The following DOCK5 variants were observed in gnomAD, a reference collection of about 807,000 sequenced individuals.
DOCK5 encodes dedicator of cytokinesis protein 5.
In DOCK5, 142 loss-of-function variants were observed where a neutral mutation model predicts 251.8. The observed-to-expected ratio is 0.56, with a 90% CI of 0.49 to 0.65. The LOEUF (loss-of-function observed/expected upper bound fraction) is 0.65, where lower values mean the gene tolerates loss of function less well. Among genes scored for constraint, DOCK5 ranks in the 30% least tolerant of loss-of-function variants. The pLI is 0.00. For missense variants in DOCK5, 2,111 were observed against 2,312.3 expected, an observed-to-expected ratio of 0.91 and a Z score of 1.79; for synonymous variants, 842 against 835.5, an observed-to-expected ratio of 1.01 and a Z score of -0.13.
intron 2 of DOCK5, among the ~76,000 whole-genome samples, chr8:25,247,558 A>G (rs368723172): frequency 1.3e-5 from 2 of 151,934 alleles, no homozygotes; most frequent in Non-Finnish European, 2.9e-5. Flanking sequence ...CTACACCACT[A>G]CACTCCAGCC....
At chr8:25,243,327 G>A (rs1586258726) in intron 1 of DOCK5, among the ~76,000 whole-genome samples, 1 of 151,320 alleles carries the variant, frequency 6.6e-6, no homozygotes, top group East Asian at 1.9e-4. Flanking sequence ...ACTGTGACAT[G>A]CATTCTTTTT....
intron 1 of DOCK5, among the ~76,000 whole-genome samples, chr8:25,206,874 GA>G (rs1802013954): frequency 6.6e-6 from 1 of 152,216 alleles, no homozygotes; most frequent in South Asian, 2.1e-4. Context: ...AAGCCATGTG[GA>G]AGCCAATGTT....
intron 14 of DOCK5, among the ~76,000 whole-genome samples, chr8:25,318,150 AC>A (rs1805310501): frequency 6.6e-6 from 1 of 152,040 alleles, no homozygotes; most frequent in Non-Finnish European, 1.5e-5. Flanking sequence ...GTGCAGTGGC[AC>A]AATCTCTGCC....
intron 2 of DOCK5, among the ~76,000 whole-genome samples, chr8:25,258,068 T>C (rs1210720393): frequency 1.3e-5 from 2 of 152,150 alleles, no homozygotes; most frequent in Non-Finnish European, 1.5e-5. Flanking sequence ...GATGATGTTG[T>C]CCAGGCTACA....
At chr8:25,306,660 C>G (rs1002752030) in intron 11 of DOCK5, among the ~76,000 whole-genome samples, 1 of 151,454 alleles carries the variant, frequency 6.6e-6, no homozygotes, top group Non-Finnish European at 1.5e-5. Context: ...CGCCACTGCA[C>G]TCCAGCCTCG....
At chr8:25,389,866 G>A (rs1039197626) in intron 41 of DOCK5, among the ~76,000 whole-genome samples, 5 of 151,994 alleles carry the variant, frequency 3.3e-5, no homozygotes, top group Non-Finnish European at 2.9e-5. Flanking sequence ...TGATTCTGGT[G>A]ATTTCAGAGG....
Position 25,235,411 on chromosome 8 carries a change from C to A in DOCK5, c.44-8263C>A, listed in dbSNP as rs898511631. ...GGGTAGCTAGGACCATAGGCACACACCATTATGCCTGGCTAATTTTTATAA... is the reference window on the plus strand; with the variant it reads ...GGGTAGCTAGGACCATAGGCACACAACATTATGCCTGGCTAATTTTTATAA... On this transcript the variant is annotated intron_variant, in intron 1 of 51. Transcript: ENST00000276440. Among the ~76,000 whole-genome samples, 5 of 152,242 alleles carry A rather than the reference C, an allele frequency of 3.3e-5. No individual in the cohort carries two copies. The East Asian group carries it at 9.7e-4, about 29-fold the overall frequency.
At chr8:25,321,198 C>T (rs1019359615) in intron 16 of DOCK5, 146 bp downstream of exon 16, 1 of 692,718 alleles carries the variant, frequency 1.4e-6, no homozygotes, top group Non-Finnish European at 2.5e-6. Context: ...CTAAGGAAAT[C>T]AGCATAATGA....
intron 50 of DOCK5, 70 bp from the exon 51 acceptor site, chr8:25,410,029 C>A: frequency 1.5e-6 from 2 of 1,315,592 alleles, no homozygotes; most frequent in Non-Finnish European, 2.1e-6. Flanking sequence ...TGTTACAGTG[C>A]CAGCAACATT....
chr8:25,204,559 TC>T (rs1313864426), intron 1 of DOCK5, among the ~76,000 whole-genome samples: 1 of 152,220 alleles, frequency 6.6e-6, no homozygotes, highest in African/African-American at 2.4e-5. Context: ...ACTGCTAGGA[TC>T]TAAAGTTGAC....
chr8:25,184,748 G>T lies in DOCK5; in HGVS notation c.-161G>T. The T allele has an allele frequency of 2.0e-6, 1 of 507,632 alleles. No homozygotes were observed. Among genetic ancestry groups the T allele is most frequent in the Admixed American group, 5.2e-5 (1 of 19,330 alleles). The allele number at this position is 507,632 out of a possible 1,614,324, so 31.4% of individuals were successfully genotyped here. The stretch of plus-strand genomic sequence containing the variant: ...GCGGGCGGCGCGGGCACGGGCACGG[G>T]CGCGGGCGGCGCGGCGAGGAGGCGG... On this transcript the variant is annotated 5_prime_UTR_variant, in exon 1 of 52. Transcript: ENST00000276440.
At chr8:25,273,157 C>A (rs933847307) in intron 3 of DOCK5, among the ~76,000 whole-genome samples, 1 of 152,126 alleles carries the variant, frequency 6.6e-6, no homozygotes, top group African/African-American at 2.4e-5. Flanking sequence ...CTAGAGCTTC[C>A]GAACTGCAGA....
intron 1 of DOCK5, among the ~76,000 whole-genome samples, chr8:25,186,421 C>T (rs1041088898): frequency 4.7e-5 from 7 of 150,470 alleles, no homozygotes; most frequent in African/African-American, 7.4e-5. Flanking sequence ...GTCGCCCAGG[C>T]CGGAGTGCAG....
Position 25,368,223 on chromosome 8 carries a change from A to G in DOCK5, c.3256A>G (p.Arg1086Gly). 6.2e-7 allele frequency: 1 copy of G among 1,612,814 alleles called. No homozygotes were observed. Among genetic ancestry groups the G allele is most frequent in the Non-Finnish European group, 8.5e-7 (1 of 1,179,390 alleles). ...GGACATGAGAAAGGAAATCGGCTTT[A>G]GAATCCGGGACATGTGGTATAACCT... ...YGDMRKEIGF[R>G]IRDMWYNLGP... The change falls in exon 32 of 52, where the codon AGA becomes GGA. Residue 1086 changes from arginine (R) to glycine (G), a missense_variant. Physicochemically the swap from Arg to Gly is moderately radical, Grantham distance 125. Transcript: ENST00000276440.
chr8:25,281,411 C>T (rs1804188657), intron 5 of DOCK5, among the ~76,000 whole-genome samples: 1 of 142,460 alleles, frequency 7.0e-6, no homozygotes, highest in East Asian at 2.2e-4. Flanking sequence ...TGCACTTCAG[C>T]CTGGGGGAAA....
intron 28 of DOCK5, among the ~76,000 whole-genome samples, chr8:25,359,384 C>CATG (rs1554496346): frequency 1.3e-5 from 2 of 151,762 alleles, no homozygotes; most frequent in African/African-American, 2.4e-5. Flanking sequence ...ACAGTAACTA[C>CATG]TCATGGCAAG....
In DOCK5 at chr8:25,212,230, T is replaced by A. The variant is rs1205101050; in HGVS notation, c.43+27279T>A. 2.9e-5 allele frequency among the ~76,000 whole-genome samples: 2 copies of A among 70,134 alleles called. 1 individual carries two copies. The highest frequency in any genetic ancestry group is 7.7e-4 in the South Asian group (2 of 2,608). 46.0% of individuals were successfully genotyped at this position (70,134 alleles called of 152,430 possible). On this transcript the variant is annotated intron_variant, in intron 1 of 51. Coordinates refer to ENST00000276440, the MANE Select transcript of DOCK5 (RefSeq NM_024940.8). ...GTCAAAATAGCTAGCTATTTTTTTT[T>A]AAATCTGGTTGTTTGCTTTATGAGT...
At chr8:25,355,632 C>T (rs2709614) in intron 27 of DOCK5, among the ~76,000 whole-genome samples, 147,637 of 152,096 alleles carry the variant, frequency 0.97, 71,808 homozygotes, top group East Asian at 1. Context: ...GTATTTTTAG[C>T]AGAGACGAGG....
chr8:25,367,233 C>T (rs1800793961), intron 31 of DOCK5, among the ~76,000 whole-genome samples: 2 of 152,152 alleles, frequency 1.3e-5, no homozygotes, highest in Admixed American at 1.3e-4. Flanking sequence ...GTCAGCTTGC[C>T]CATCCCCAAG....
Sources: gnomAD v4.1 joint callset for allele counts (sites outside exome capture counted in the v4.1 genomes callset) on GRCh38, gnomAD v4.1.1 for gene constraint, MANE v1.5 for transcripts, NCBI Gene and HGNC (gene_info 2026-07-23, HGNC 2026-07-21) for gene names.